The following PRICKLE2 variants were observed in gnomAD, a reference collection of about 807,000 sequenced individuals.
PRICKLE2 encodes the protein prickle-like protein 2.
A neutral mutation model predicts 81.4 loss-of-function variants in PRICKLE2; 21 were observed. The ratio of observed to expected loss-of-function variants is 0.26; its 90% CI spans 0.18 to 0.37. PRICKLE2 has a LOEUF of 0.37. Ranked by LOEUF, PRICKLE2 falls within the 10% of genes least tolerant of loss-of-function variation. The pLI is 1.00. For synonymous variants in PRICKLE2, 456 were observed against 421.5 expected, an observed-to-expected ratio of 1.08 and a Z score of -1.00; for missense variants, 940 against 1,109.0, an observed-to-expected ratio of 0.85 and a Z score of 2.16.
intron 2 of PRICKLE2, among the ~76,000 whole-genome samples, chr3:64,187,966 CTT>C: frequency 6.6e-6 from 1 of 152,290 alleles, no homozygotes; most frequent in Non-Finnish European, 1.5e-5. Context: ...CAATGAAAGA[CTT>C]TTAAAAGCAT....
intron 7 of PRICKLE2, among the ~76,000 whole-genome samples, chr3:64,143,543 C>T (rs1423340477): frequency 1.3e-5 from 2 of 152,180 alleles, no homozygotes; most frequent in African/African-American, 4.8e-5. Flanking sequence ...ACCTCTAGCC[C>T]TTCTGATTTC....
In PRICKLE2 at chr3:64,099,427, C is replaced by A. The variant is rs1408077086; in HGVS notation, c.2159G>T (p.Arg720Met). The stretch of plus-strand genomic sequence containing the variant: ...GCGCATAAATTGGTCATAGTCCTCC[C>A]TGGCTCTCAGAGGGGGCCTATCTTT... ...RLKDRPPLRA[R>M]EDYDQFMRQR... The change falls in exon 8 of 8, where the codon AGG (arginine) becomes ATG (methionine). Residue 720 changes from arginine (R) to methionine (M), a missense_variant. Physicochemically the swap from Arg to Met is moderately conservative, Grantham distance 91. Around this residue, in one of 2 missense-constraint regions of PRICKLE2, gnomAD observed 670 missense variants for 717.2 expected, o/e 0.93. Transcript: ENST00000638394. This position sits in a 1 kb window ranked among gnomAD's most constrained non-coding sequence, Gnocchi z 4.3. The A allele has an allele frequency of 6.3e-7, 1 of 1,591,774 alleles. No homozygotes were observed. Among genetic ancestry groups the A allele is most frequent in the Non-Finnish European group, 8.6e-7 (1 of 1,165,808 alleles).
intron 1 of PRICKLE2, 42 bp from the exon 2 acceptor site, chr3:64,199,009 C>G (rs112046271): frequency 1.6e-6 from 2 of 1,262,914 alleles, no homozygotes; most frequent in African/African-American, 3.1e-5. Context: ...AGGAAAAAAC[C>G]TTTTTTTTTT....
Position 64,135,916 on chromosome 3 carries a change from T to C in PRICKLE2, c.1660+10914A>G, listed in dbSNP as rs571351850. On this transcript the variant is annotated intron_variant, in intron 7 of 7. Transcript: ENST00000638394. ...GATCTCTTGATTTTCACATTGATTCTAGAGCGGAAACAGGTCCTATTTCAA... is the reference window on the plus strand; with the variant it reads ...GATCTCTTGATTTTCACATTGATTCCAGAGCGGAAACAGGTCCTATTTCAA... 9.2e-5 allele frequency among the ~76,000 whole-genome samples: 14 copies of C among 152,328 alleles called. 1 individual carries two copies. The highest frequency in any genetic ancestry group is 3.1e-4 in the African/African-American group (13 of 41,568).
chr3:64,179,963 G>A (rs1358185531), intron 2 of PRICKLE2, among the ~76,000 whole-genome samples: 1 of 152,172 alleles, frequency 6.6e-6, no homozygotes, highest in Non-Finnish European at 1.5e-5. Context: ...AATGAGCAGT[G>A]TAGTCACAGT....
chr3:64,183,591 C>A (rs2078171565), intron 2 of PRICKLE2, among the ~76,000 whole-genome samples: 1 of 151,956 alleles, frequency 6.6e-6, no homozygotes, highest in Non-Finnish European at 1.5e-5. Context: ...CATTGATAGA[C>A]CAAAAAGGCA....
intron 2 of PRICKLE2, among the ~76,000 whole-genome samples, chr3:64,172,605 A>C (rs142989920): frequency 6.6e-6 from 1 of 152,196 alleles, no homozygotes. Flanking sequence ...GTAACTAACA[A>C]AGAGAGAGGC....
chr3:64,261,429 T>C lies in PRICKLE2; in HGVS notation c.129-62462A>G, dbSNP rs146558203. 3.6e-3 allele frequency among the ~76,000 whole-genome samples: 542 copies of C among 152,278 alleles called. 4 individuals carry two copies. The highest frequency in any genetic ancestry group is 5.4e-3 in the Non-Finnish European group (366 of 68,016). On this transcript the variant is annotated intron_variant, in intron 2 of 8. Coordinates refer to the PRICKLE2 transcript ENST00000295902. ...ATTTAAATGATGCAATCCTTGCCTT[T>C]AAGGGACAAGAAGGGACAGGGACAG... is the stretch of plus-strand genomic sequence containing the variant.
chr3:64,104,085 A>G (rs2076714226), intron 7 of PRICKLE2, among the ~76,000 whole-genome samples: 1 of 152,244 alleles, frequency 6.6e-6, no homozygotes, highest in Admixed American at 6.5e-5. Flanking sequence ...TAAATATCAT[A>G]TACTCCAGTA....
At chr3:64,104,295 T>C (rs2076718963) in intron 7 of PRICKLE2, among the ~76,000 whole-genome samples, 3 of 152,204 alleles carry the variant, frequency 2.0e-5, no homozygotes, top group Admixed American at 1.3e-4. Context: ...AATGAGTGGT[T>C]TGAGTGGATG....
intron 6 of PRICKLE2, among the ~76,000 whole-genome samples, chr3:64,148,033 C>G (rs2077486763): frequency 6.6e-6 from 1 of 152,180 alleles, no homozygotes; most frequent in Non-Finnish European, 1.5e-5. Flanking sequence ...GCTTTAAGAG[C>G]TTTATATATG....
At chr3:64,146,077 T>G (rs1395605758) in intron 7 of PRICKLE2, 1 of 152,186 alleles carries the variant, frequency 6.6e-6, no homozygotes, top group Non-Finnish European at 1.5e-5. Context: ...ATCCACTATC[T>G]CATCCCTTTG....
intron 7 of PRICKLE2, among the ~76,000 whole-genome samples, chr3:64,113,548 C>T (rs1430791423): frequency 6.6e-6 from 1 of 152,144 alleles, no homozygotes; most frequent in Admixed American, 6.5e-5. Flanking sequence ...TGCAGCTTCC[C>T]CGGGGCCCAT....
In PRICKLE2 at chr3:64,243,518, A is replaced by T. The variant is rs538484435; in HGVS notation, c.129-44551T>A. On this transcript the variant is annotated intron_variant, in intron 2 of 8. Coordinates refer to the PRICKLE2 transcript ENST00000295902. ...CTTTGGGGTTCATATAAGGTAGAGG[A>T]TGAGAACACAGATTCTGGTATCAGT... Among the ~76,000 whole-genome samples the T allele has an allele frequency of 2.0e-4, 31 of 152,356 alleles. No individual in the cohort carries two copies. The South Asian group carries it at 6.4e-3, about 32-fold the overall frequency.
At position 64,150,500 on chromosome 3, in the gene PRICKLE2, C is replaced by G. The variant is rs139163397; in HGVS notation, c.787+2682G>C. On this transcript the variant is annotated intron_variant, in intron 6 of 7. Transcript: ENST00000638394. ...TGCCCAGATGCATTCCAAGAAATAA[C>G]TAGGAGGCTGCTCTGTCTCTCCTGC... Among the ~76,000 whole-genome samples, 610 of 152,232 alleles carry G rather than the reference C, an allele frequency of 4.0e-3. 9 individuals are homozygous for G. The highest frequency in any genetic ancestry group is 0.014 in the African/African-American group (589 of 41,558).
At chr3:64,161,526 T>C (rs553874712) in intron 3 of PRICKLE2, among the ~76,000 whole-genome samples, 1 of 152,212 alleles carries the variant, frequency 6.6e-6, no homozygotes, top group South Asian at 2.1e-4. Context: ...ACAATCACCC[T>C]TTGTCTTCAA....
intron 1 of PRICKLE2, 97 bp from the exon 2 acceptor site, chr3:64,199,064 A>G: frequency 9.6e-6 from 11 of 1,149,496 alleles, no homozygotes; most frequent in Non-Finnish European, 1.4e-5. Context: ...CAAACCATAA[A>G]CACATTCCTT....
At chr3:64,214,492 G>A (rs1229719587) in intron 1 of PRICKLE2, among the ~76,000 whole-genome samples, 2 of 152,174 alleles carry the variant, frequency 1.3e-5, no homozygotes, top group African/African-American at 4.8e-5. Flanking sequence ...CTACAGGAGG[G>A]ACAGGCAGCA....
chr3:64,200,863 CG>C (rs779814169), intron 1 of PRICKLE2: 2 of 152,130 alleles, frequency 1.3e-5, no homozygotes, highest in Non-Finnish European at 2.9e-5. Context: ...GATCCACCCG[CG>C]TCAGCCTCCC....
Sources: gnomAD v4.1 joint callset for allele counts (sites outside exome capture counted in the v4.1 genomes callset) on GRCh38, gnomAD v4.1.1 for gene constraint, gnomAD v4.1.1 regional missense constraint, Gnocchi (gnomAD v3.1) non-coding constraint, MANE v1.5 for transcripts, NCBI Gene and HGNC (gene_info 2026-07-23, HGNC 2026-07-21) for gene names.